SND1: variants seen among roughly 807,000 people sequenced by gnomAD.
SND1 encodes the protein staphylococcal nuclease domain-containing protein 1.
In SND1, 38 loss-of-function variants were observed where a neutral mutation model predicts 121.7. The ratio of observed to expected loss-of-function variants is 0.31; its 90% CI spans 0.24 to 0.41. The LOEUF is 0.41. Ranked by LOEUF, SND1 falls within the 10% of genes least tolerant of loss-of-function variation. The pLI is 1.00. For missense variants in SND1, 868 were observed against 1,184.6 expected, an observed-to-expected ratio of 0.73 and a Z score of 3.92; for synonymous variants, 401 against 447.4, an observed-to-expected ratio of 0.90 and a Z score of 1.31.
intron 12 of SND1, among the ~76,000 whole-genome samples, chr7:127,864,736 G>T (rs1186909395): frequency 6.6e-6 from 1 of 152,034 alleles, no homozygotes; most frequent in Non-Finnish European, 1.5e-5. Flanking sequence ...GATTTTGCTG[G>T]TCTACTAGAG....
chr7:127,931,764 C>T (rs1307207140), intron 15 of SND1, among the ~76,000 whole-genome samples: 1 of 152,180 alleles, frequency 6.6e-6, no homozygotes, highest in East Asian at 1.9e-4. Context: ...AAACCTAAGG[C>T]TCTTAAGAAT....
chr7:127,907,591 A>G (rs1563054337), intron 14 of SND1, among the ~76,000 whole-genome samples: 2 of 152,172 alleles, frequency 1.3e-5, no homozygotes, highest in East Asian at 1.9e-4. Context: ...ATAATTTACA[A>G]TGAACTGGTG....
rs1255757676 is a variant in SND1 at position 128,086,943 on chromosome 7, G to A, written c.2310G>A (p.Glu770=). The change falls in exon 21 of 24, where the codon GAG becomes GAA. Residue 770 remains glutamate (E), a synonymous_variant. Transcript: ENST00000354725. ...GCCTGCTGCTTCCTCTGCAGAGAGA[G>A]GTCCTGCCATCCACCCGCCTGGGTA... The part of the protein sequence containing the change: ...HVFYIDYGNR[E]VLPSTRLGTL... 1.2e-6 allele frequency: 2 copies of A among 1,613,682 alleles called. No individual in the cohort carries two copies. Among genetic ancestry groups the A allele is most frequent in the Admixed American group, 3.3e-5 (2 of 60,008 alleles).
intron 14 of SND1, among the ~76,000 whole-genome samples, chr7:127,918,838 A>G (rs1294466951): frequency 1.3e-5 from 2 of 152,236 alleles, no homozygotes; most frequent in Non-Finnish European, 2.9e-5. Context: ...AAAGAATAGC[A>G]TATATTTTTT....
intron 11 of SND1, among the ~76,000 whole-genome samples, chr7:127,824,633 G>T (rs1798610185): frequency 2.0e-5 from 3 of 151,816 alleles, no homozygotes. Context: ...AAGAGTAGCA[G>T]TCCCAGTGCT....
intron 11 of SND1, among the ~76,000 whole-genome samples, chr7:127,808,035 GC>G (rs1322615634): frequency 6.6e-6 from 1 of 152,042 alleles, no homozygotes; most frequent in East Asian, 1.9e-4. Flanking sequence ...ATGCACTGTG[GC>G]ATCAATGCTC....
chr7:128,086,950 C>T lies in SND1; in HGVS notation c.2317C>T (p.Pro773Ser), dbSNP rs747147080. The T allele has an allele frequency of 1.2e-6, 2 of 1,613,922 alleles. No individual in the cohort carries two copies. Among genetic ancestry groups the T allele is most frequent in the African/African-American group, 2.7e-5 (2 of 74,922 alleles). The change falls in exon 21 of 24, where the codon CCA (proline) becomes TCA (serine). Residue 773 changes from proline (P) to serine (S), a missense_variant. Physicochemically the swap from Pro to Ser is moderately conservative, Grantham distance 74. Coordinates refer to ENST00000354725, the MANE Select transcript of SND1 (RefSeq NM_014390.4). ...YIDYGNREVL[P>S]STRLGTLSPA... ...GCTTCCTCTGCAGAGAGAGGTCCTG[C>T]CATCCACCCGCCTGGGTACCCTATC...
At chr7:127,793,124 C>T (rs1797944100) in intron 10 of SND1, among the ~76,000 whole-genome samples, 1 of 152,170 alleles carries the variant, frequency 6.6e-6, no homozygotes, top group Non-Finnish European at 1.5e-5. Flanking sequence ...GGCAAGCACG[C>T]ATTATGTGTT....
chr7:128,010,478 CT>C (rs1803090680), intron 16 of SND1, among the ~76,000 whole-genome samples: 1 of 152,238 alleles, frequency 6.6e-6, no homozygotes, highest in Non-Finnish European at 1.5e-5. Context: ...CCTCCCCCTT[CT>C]GATGTCAGCC....
chr7:127,679,369 G>T (rs1795669494), intron 1 of SND1: 1 of 152,110 alleles, frequency 6.6e-6, no homozygotes, highest in African/African-American at 2.4e-5. Context: ...CAAGAATATG[G>T]AAGGCTCTAT....
chr7:128,011,535 G>A (rs934790121), intron 16 of SND1, among the ~76,000 whole-genome samples: 1 of 152,144 alleles, frequency 6.6e-6, no homozygotes, highest in Admixed American at 6.6e-5. Flanking sequence ...AAGGACATTC[G>A]CAGAGCTTGC....
chr7:127,894,921 G>A (rs1800088075), intron 13 of SND1, among the ~76,000 whole-genome samples: 1 of 151,812 alleles, frequency 6.6e-6, no homozygotes, highest in Admixed American at 6.6e-5. Context: ...AATCTCAGAG[G>A]GACAGGCATT....
chr7:128,030,456 G>A (rs1038925135), intron 16 of SND1: 6 of 1,613,504 alleles, frequency 3.7e-6, no homozygotes, highest in East Asian at 4.5e-5. Context: ...GCCCCGGCGC[G>A]TGCACACCAC....
chr7:128,043,453 A>G (rs9640847), intron 16 of SND1, among the ~76,000 whole-genome samples: 24,631 of 151,928 alleles, frequency 0.16, 2,187 homozygotes, highest in African/African-American at 0.24. Context: ...ATGCACCTGT[A>G]ATCCCAGCTA....
intron 10 of SND1, among the ~76,000 whole-genome samples, chr7:127,785,494 A>G (rs557760490): frequency 6.6e-6 from 1 of 152,330 alleles, no homozygotes; most frequent in African/African-American, 2.4e-5. Flanking sequence ...ACCATCCTTG[A>G]TGGCCATTGG....
rs535281978 is a variant in SND1 at position 127,653,015 on chromosome 7, G to A, written c.78+564G>A. Among the ~76,000 whole-genome samples, 159 of 152,258 alleles carry A rather than the reference G, an allele frequency of 1.0e-3. 5 individuals carry two copies. The South Asian group carries it at 0.032, about 30-fold the overall frequency. ...TTTTGACTTCTAAAAGGTTAGGCCG[G>A]CAAGAATCTTAGTAATCATCATTGT... On this transcript the variant is annotated intron_variant, in intron 1 of 23. Transcript: ENST00000354725.
intron 10 of SND1, among the ~76,000 whole-genome samples, chr7:127,721,756 A>G (rs560799358): frequency 6.6e-6 from 1 of 152,304 alleles, no homozygotes; most frequent in East Asian, 1.9e-4. Flanking sequence ...TCTCGTGTAC[A>G]TTGTAATAGG....
chr7:127,691,360 G>A (rs1051212358), intron 2 of SND1, among the ~76,000 whole-genome samples: 1 of 151,900 alleles, frequency 6.6e-6, no homozygotes, highest in Non-Finnish European at 1.5e-5. Flanking sequence ...GGCCAACATG[G>A]TGAAACCTTG....
At chr7:127,852,314 T>C (rs887603918) in intron 12 of SND1, among the ~76,000 whole-genome samples, 8 of 148,238 alleles carry the variant, frequency 5.4e-5, no homozygotes, top group African/African-American at 2.0e-4. Flanking sequence ...GCCAATATGA[T>C]GAAACCCCAT....
Sources: gnomAD v4.1 joint callset for allele counts (sites outside exome capture counted in the v4.1 genomes callset) on GRCh38, gnomAD v4.1.1 for gene constraint, MANE v1.5 for transcripts, NCBI Gene and HGNC (gene_info 2026-07-23, HGNC 2026-07-21) for gene names.